Variants in SBF2 observed in about 807,000 individuals in gnomAD.
The protein encoded by SBF2 is SET binding factor 2.
SBF2 carries 112 observed loss-of-function variants against 225.2 expected under a neutral mutation model. The ratio of observed to expected loss-of-function variants is 0.50; its 90% confidence interval spans 0.43 to 0.58. The LOEUF is 0.58. Ranked by LOEUF, SBF2 falls within the 20% of genes least tolerant of loss-of-function variation. The probability of loss-of-function intolerance (pLI) is 0.00; values close to 1 mark genes in which losing one functional copy is unlikely to be tolerated. For missense variants in SBF2, 1,996 were observed against 2,206.2 expected (o/e 0.90, Z 1.91); for synonymous variants, 763 against 773.3 (o/e 0.99, Z 0.22).
rs1033701434 is a variant in SBF2, at chr11:9,789,057, C to T, written c.4932+52G>A. On this transcript the variant is annotated intron_variant, in intron 35 of 39. Transcript: ENST00000256190. ...TTACTTAGCCTGGTTCCTTTGCCCT[C>T]ATGCCTCCAGGGCCCCTGGTGCCCC... is the stretch of plus-strand genomic sequence containing the variant. The T allele has an allele frequency of 2.7e-5, 41 of 1,505,160 alleles. 1 individual carries two copies. The South Asian group carries it at 3.2e-4, about 12-fold the overall frequency. 93.2% of individuals were successfully genotyped at this position (1,505,160 alleles called of 1,614,324 possible).
intron 2 of SBF2, among the ~76,000 whole-genome samples, chr11:10,142,993 T>C (rs1305418325): frequency 6.6e-6 from 1 of 152,210 alleles, no homozygotes; most frequent in African/African-American, 2.4e-5. Flanking sequence ...CCTGAACTTA[T>C]AAGGGTATAG....
rs776414901 is a variant in SBF2 at position 9,961,978 on chromosome 11, C to T, written c.1839G>A (p.Arg613=). ...LDHQQFDYII[R]MMNCTLQDCS... ...TTACCTGTAGAGTACAATTCATCATCCTTATTATGTAGTCAAACTGTTGAT... is the reference window on the plus strand; with the variant it reads ...TTACCTGTAGAGTACAATTCATCATTCTTATTATGTAGTCAAACTGTTGAT... Residue 613 remains arginine, a synonymous_variant, in exon 16 of 40, where the codon AGG becomes AGA. Transcript: ENST00000256190. 6.2e-7 allele frequency: 1 copy of T among 1,613,634 alleles called. No homozygotes were observed.
intron 1 of SBF2, among the ~76,000 whole-genome samples, chr11:10,210,778 C>T (rs570197243): frequency 1.2e-4 from 18 of 151,850 alleles, no homozygotes; most frequent in African/African-American, 2.4e-4. Flanking sequence ...TTTGGGAGGC[C>T]GAGGGAGGTG....
In SBF2 at chr11:9,850,700, T is replaced by C. The variant is rs545610242; in HGVS notation, c.2611-482A>G. 2.6e-3 allele frequency among the ~76,000 whole-genome samples: 393 copies of C among 152,358 alleles called. 2 individuals are homozygous for C. Among genetic ancestry groups the C allele is most frequent in the African/African-American group, 8.8e-3 (365 of 41,580 alleles). ...GTAAGAGGCAGAAATGAAGTTTATA[T>C]ACCCAAATGTGAGAGGATTCTTTGC... On this transcript the variant is annotated intron_variant, in intron 21 of 39. Coordinates refer to ENST00000256190, the MANE Select transcript of SBF2 (RefSeq NM_030962.4).
intron 26 of SBF2, among the ~76,000 whole-genome samples, chr11:9,833,151 T>C (rs1233626439): frequency 6.6e-6 from 1 of 152,198 alleles, no homozygotes; most frequent in African/African-American, 2.4e-5. Context: ...CAAATTATTT[T>C]TGGCATGAGA....
At chr11:10,196,840 ATAT>A (rs1274652157) in intron 1 of SBF2, among the ~76,000 whole-genome samples, 2 of 23,122 alleles carry the variant, frequency 8.6e-5, no homozygotes, top group Non-Finnish European at 2.7e-4. Flanking sequence ...TTGCATAAAT[ATAT>A]ATATATATAT....
chr11:10,129,959 A>G (rs1241016293), intron 2 of SBF2, among the ~76,000 whole-genome samples: 4 of 152,146 alleles, frequency 2.6e-5, no homozygotes, highest in Admixed American at 6.5e-5. Flanking sequence ...GCAGTGAGCC[A>G]AGATCATGCC....
At position 9,858,362 on chromosome 11, in the gene SBF2, G is replaced by A. The variant is rs777190196; in HGVS notation, c.1964C>T (p.Thr655Met). ...CCAAATGGGGTGGTCTTGTACACAC[G>A]TGTAAGCAAACTGGCTGACTCCAGG... ...LAPGVSQFAY[T>M]CVQDHPIWTN... The change falls in exon 18 of 40, where the codon ACG (threonine) becomes ATG (methionine). Residue 655 changes from threonine (T) to methionine (M), a missense_variant. Thr to Met is a moderately conservative substitution (Grantham distance 81). Transcript: ENST00000256190. 19 of 1,614,076 alleles carry A rather than the reference G, an allele frequency of 1.2e-5. No homozygotes were observed. The highest frequency in any genetic ancestry group is 2.7e-5 in the African/African-American group (2 of 74,930).
At chr11:9,918,274 T>G (rs1565000461) in intron 16 of SBF2, among the ~76,000 whole-genome samples, 1 of 152,168 alleles carries the variant, frequency 6.6e-6, no homozygotes. Flanking sequence ...GTAGTACAAA[T>G]CAGATTGCTT....
At chr11:10,053,009 G>GT (rs1950115223) in intron 2 of SBF2, among the ~76,000 whole-genome samples, 1 of 152,088 alleles carries the variant, frequency 6.6e-6, no homozygotes, top group Non-Finnish European at 1.5e-5. Context: ...AGGTATGCAT[G>GT]TATGTATGTA....
intron 14 of SBF2, among the ~76,000 whole-genome samples, chr11:9,965,297 CTT>C (rs34056394): frequency 4.7e-4 from 60 of 128,796 alleles, no homozygotes; most frequent in African/African-American, 4.9e-4. Context: ...ATGTTTTAAA[CTT>C]TTTTTTTTTT....
chr11:10,189,476 C>A (rs1332460418), intron 2 of SBF2, among the ~76,000 whole-genome samples: 1 of 152,128 alleles, frequency 6.6e-6, no homozygotes, highest in Non-Finnish European at 1.5e-5. Flanking sequence ...CTTATATTTA[C>A]CTCTCTGTCC....
intron 33 of SBF2, among the ~76,000 whole-genome samples, chr11:9,792,941 T>TGTGTG (rs1564858036): frequency 1.7e-5 from 1 of 58,008 alleles, no homozygotes; most frequent in African/African-American, 4.9e-5. Context: ...GTGTGTGTGT[T>TGTGTG]TTTTTTTTTT....
chr11:10,112,207 G>T (rs939940262), intron 2 of SBF2, among the ~76,000 whole-genome samples: 4 of 152,092 alleles, frequency 2.6e-5, no homozygotes, highest in African/African-American at 9.7e-5. Flanking sequence ...AGTAAAGAGG[G>T]CACTTACCAC....
chr11:9,858,143 T>TG, intron 18 of SBF2, 83 bp downstream of exon 18: 1 of 1,492,922 alleles, frequency 6.7e-7, no homozygotes, highest in Non-Finnish European at 9.3e-7. Flanking sequence ...GTAGCTAGAG[T>TG]TTTTTTTGCC....
At chr11:9,987,551 G>A (rs1186592967) in intron 13 of SBF2, among the ~76,000 whole-genome samples, 1 of 152,052 alleles carries the variant, frequency 6.6e-6, no homozygotes, top group African/African-American at 2.4e-5. Context: ...TCCTAGAACT[G>A]ATAAAAGAAT....
intron 13 of SBF2, among the ~76,000 whole-genome samples, chr11:9,989,088 G>C (rs67446631): frequency 6.7e-6 from 1 of 149,508 alleles, no homozygotes. Flanking sequence ...ACACACACAC[G>C]TACACGATGG....
chr11:9,818,743 T>C (rs945218429), intron 28 of SBF2, among the ~76,000 whole-genome samples: 2 of 152,218 alleles, frequency 1.3e-5, no homozygotes, highest in African/African-American at 4.8e-5. Context: ...TTCTTTGAGA[T>C]GGAGTTTCAC....
At chr11:10,262,869 G>C (rs1469485583) in intron 1 of SBF2, among the ~76,000 whole-genome samples, 1 of 151,982 alleles carries the variant, frequency 6.6e-6, no homozygotes, top group Non-Finnish European at 1.5e-5. Flanking sequence ...TCTGCAAAGA[G>C]CTATGACACC....
Sources: gnomAD v4.1 joint callset for allele counts (sites outside exome capture counted in the v4.1 genomes callset) on GRCh38, gnomAD v4.1.1 for gene constraint, MANE v1.5 for transcripts, NCBI Gene and HGNC (gene_info 2026-07-23, HGNC 2026-07-21) for gene names.